Variants in STK3 observed in about 807,000 individuals in gnomAD.
STK3 encodes the protein serine/threonine-protein kinase 3.
A neutral mutation model predicts 58.0 loss-of-function variants in STK3; 41 were observed. The ratio of observed to expected loss-of-function variants is 0.71; its 90% CI spans 0.55 to 0.92. The LOEUF is 0.92. Among genes scored for constraint, STK3 ranks in the 40% least tolerant of loss-of-function variants. The probability of loss-of-function intolerance (pLI) is 0.00; values close to 1 mark genes in which losing one functional copy is unlikely to be tolerated. For missense variants in STK3, 479 were observed against 602.7 expected (o/e 0.79, Z 2.15); for synonymous variants, 170 against 191.0 (o/e 0.89, Z 0.91).
At chr8:98,722,546 C>CT (rs1169755341) in intron 4 of STK3, among the ~76,000 whole-genome samples, 5 of 152,048 alleles carry the variant, frequency 3.3e-5, no homozygotes, top group African/African-American at 9.7e-5. Context: ...ATATGTTAAC[C>CT]TTTTTGTTAT....
intron 4 of STK3, among the ~76,000 whole-genome samples, chr8:98,711,089 G>T (rs1250490920): frequency 2.0e-5 from 3 of 152,178 alleles, no homozygotes; most frequent in Admixed American, 6.5e-5. Context: ...CTGACAGAAG[G>T]AAAACTAACA....
chr8:98,586,307 G>A (rs1350392733), intron 7 of STK3, among the ~76,000 whole-genome samples: 1 of 152,122 alleles, frequency 6.6e-6, no homozygotes, highest in East Asian at 1.9e-4. Context: ...TTAGCATGAA[G>A]GGTGGTTGAA....
chr8:98,888,585 G>T (rs1304539640), intron 1 of STK3, among the ~76,000 whole-genome samples: 2 of 152,206 alleles, frequency 1.3e-5, no homozygotes, highest in African/African-American at 4.8e-5. Context: ...CCAAAACAAA[G>T]TGGGGTTGCT....
At chr8:98,612,497 A>T (rs1029928420) in intron 6 of STK3, among the ~76,000 whole-genome samples, 2 of 150,544 alleles carry the variant, frequency 1.3e-5, no homozygotes, top group South Asian at 2.1e-4. Flanking sequence ...ATATATATAT[A>T]TGAAAGATGG....
At chr8:98,893,486 G>GAAAGAAAGAAAGAGAAAGAAAGAGAGAA (rs776247646) in intron 1 of STK3, among the ~76,000 whole-genome samples, 1 of 42,998 alleles carries the variant, frequency 2.3e-5, no homozygotes, top group African/African-American at 1.1e-4. Context: ...AAGAAAGAAA[G>GAAAGAAAGAAAGAGAAAGAAAGAGAGAA]AGAAAGAAAG....
chr8:98,649,946 C>T (rs1820746914), intron 6 of STK3, among the ~76,000 whole-genome samples: 1 of 152,100 alleles, frequency 6.6e-6, no homozygotes, highest in African/African-American at 2.4e-5. Flanking sequence ...AAGTGTACTT[C>T]TTTTGTTAAC....
intron 1 of STK3, among the ~76,000 whole-genome samples, chr8:98,808,483 G>A (rs1372492056): frequency 3.3e-5 from 5 of 152,220 alleles, no homozygotes; most frequent in African/African-American, 9.6e-5. Flanking sequence ...CAGTTTTGAA[G>A]AGACTCAGGA....
Position 98,603,618 on chromosome 8 carries a change from T to C in STK3, c.685-7449A>G, listed in dbSNP as rs993267715. ...AAAATACACAGTAACTGAAATACAGTATCAACATATTGCACCCTCAATGTA... is the reference window on the plus strand; with the variant it reads ...AAAATACACAGTAACTGAAATACAGCATCAACATATTGCACCCTCAATGTA... On this transcript the variant is annotated intron_variant, in intron 6 of 10. Coordinates refer to ENST00000419617, the MANE Select transcript of STK3 (RefSeq NM_006281.4). 1.5e-4 allele frequency among the ~76,000 whole-genome samples: 23 copies of C among 152,318 alleles called. 1 individual carries two copies. The highest frequency in any genetic ancestry group is 1.0e-3 in the Admixed American group (16 of 15,304).
At chr8:98,367,104 G>A (rs979586382), downstream of STK3, among the ~76,000 whole-genome samples, 1 of 152,186 alleles carries the variant, frequency 6.6e-6, no homozygotes, top group Non-Finnish European at 1.5e-5. Flanking sequence ...TCTACAATCT[G>A]TCCATCTGTA....
chr8:98,617,175 A>G (rs1010954719), intron 6 of STK3, among the ~76,000 whole-genome samples: 2 of 151,862 alleles, frequency 1.3e-5, no homozygotes, highest in Non-Finnish European at 2.9e-5. Flanking sequence ...AAGCCGCTCA[A>G]CTACATGGAA....
At chr8:98,818,430 A>C (rs561627539) in intron 1 of STK3, among the ~76,000 whole-genome samples, 19 of 152,352 alleles carry the variant, frequency 1.2e-4, no homozygotes, top group African/African-American at 4.6e-4. Flanking sequence ...GTAAGTAAAG[A>C]AAGCCAGTTT....
At chr8:98,713,458 C>T (rs1826705409) in intron 4 of STK3, among the ~76,000 whole-genome samples, 1 of 152,070 alleles carries the variant, frequency 6.6e-6, no homozygotes, top group Non-Finnish European at 1.5e-5. Flanking sequence ...ACCACCGATC[C>T]CATAGAAATA....
At chr8:98,694,657 A>C (rs981719791) in intron 6 of STK3, among the ~76,000 whole-genome samples, 2 of 152,142 alleles carry the variant, frequency 1.3e-5, no homozygotes, top group African/African-American at 4.8e-5. Context: ...AACTTCATCC[A>C]TGTCCCTACA....
chr8:98,821,453 G>A (rs552792663), intron 1 of STK3, among the ~76,000 whole-genome samples: 10 of 151,474 alleles, frequency 6.6e-5, no homozygotes, highest in African/African-American at 1.7e-4. Flanking sequence ...TTTTAATAAC[G>A]ACTTTGGCCA....
At chr8:98,490,069 T>C (rs1328226333) in intron 10 of STK3, among the ~76,000 whole-genome samples, 1 of 152,218 alleles carries the variant, frequency 6.6e-6, no homozygotes, top group Non-Finnish European at 1.5e-5. Flanking sequence ...TTATGTTCTA[T>C]AGTTTATTTC....
chr8:98,351,445 G>T, the STK3 span, among the ~76,000 whole-genome samples: 94 of 152,272 alleles, frequency 6.2e-4, no homozygotes, highest in Admixed American at 1.8e-3. Context: ...TTCTGAGTCT[G>T]CTGTGTATGC....
chr8:98,857,109 G>T (rs1282281527), intron 3 of STK3, among the ~76,000 whole-genome samples: 1 of 152,156 alleles, frequency 6.6e-6, no homozygotes, highest in South Asian at 2.1e-4. Flanking sequence ...GTTTCTTCTC[G>T]AGATGATGAA....
chr8:98,888,425 C>A (rs545324842), intron 1 of STK3, among the ~76,000 whole-genome samples: 1 of 152,278 alleles, frequency 6.6e-6, no homozygotes, highest in Non-Finnish European at 1.5e-5. Context: ...GTGTCTGAGG[C>A]TTGCTCTGTG....
chr8:98,415,799 A>C lies in STK3; in HGVS notation n.484-14286T>G, dbSNP rs189927463. ...AGATGATTTTTTGAAATTCCAAAGT[A>C]ATCTAATATAATTAAAATAATGTGG... On this transcript the variant is annotated intron_variant and non_coding_transcript_variant, in intron 3 of 3. Transcript: ENST00000517832. 2.0e-5 allele frequency among the ~76,000 whole-genome samples: 3 copies of C among 152,340 alleles called. No homozygotes were observed. The East Asian group carries it at 5.8e-4, about 29-fold the overall frequency.
Sources: gnomAD v4.1 joint callset for allele counts (sites outside exome capture counted in the v4.1 genomes callset) on GRCh38, gnomAD v4.1.1 for gene constraint, MANE v1.5 for transcripts, NCBI Gene and HGNC (gene_info 2026-07-23, HGNC 2026-07-21) for gene names.